FAM168A: variants seen among roughly 807,000 people sequenced by gnomAD.
FAM168A encodes the protein protein FAM168A.
FAM168A carries 3 observed loss-of-function variants against 28.5 expected under a neutral mutation model. The ratio of observed to expected loss-of-function variants is 0.11; its 90% CI spans 0.05 to 0.27. FAM168A has a LOEUF of 0.27. FAM168A is among the 10% of genes least tolerant of loss of function. The probability of loss-of-function intolerance (pLI) is 1.00; values close to 1 mark genes in which losing one functional copy is unlikely to be tolerated. For synonymous variants in FAM168A, 122 were observed against 124.2 expected, an observed-to-expected ratio of 0.98 and a Z score of 0.12; for missense variants, 222 against 311.5, an observed-to-expected ratio of 0.71 and a Z score of 2.16.
At chr11:73,418,210 C>G (rs942746770) in intron 4 of FAM168A, among the ~76,000 whole-genome samples, 2 of 152,154 alleles carry the variant, frequency 1.3e-5, no homozygotes, top group African/African-American at 4.8e-5. Flanking sequence ...AAATGTCATG[C>G]TGAAATGTAA....
chr11:73,403,236 A>G lies in FAM168A; in HGVS notation c.*3527T>C, dbSNP rs992593180. On this transcript the variant is annotated 3_prime_UTR_variant, in exon 8 of 8. Transcript: ENST00000356467. Reference sequence around the variant, plus strand: ...TCCTATCTCATGAGGAAGAAATTAAATATGCATTTTTTTTCAAAACATGGC... The same window carrying G: ...TCCTATCTCATGAGGAAGAAATTAAGTATGCATTTTTTTTCAAAACATGGC... 1.3e-5 allele frequency: 2 copies of G among 152,212 alleles called. No homozygotes were observed. The highest frequency in any genetic ancestry group is 2.9e-5 in the Non-Finnish European group (2 of 68,034). 9.4% of individuals were successfully genotyped at this position (152,212 alleles called of 1,614,324 possible).
chr11:73,524,297 CAT>C (rs1436498945), intron 1 of FAM168A, among the ~76,000 whole-genome samples: 1 of 151,878 alleles, frequency 6.6e-6, no homozygotes, highest in Non-Finnish European at 1.5e-5. Context: ...AATCTAAGCA[CAT>C]GTGTACTTAA....
chr11:73,490,770 GCTTT>G (rs1186972552), intron 1 of FAM168A, among the ~76,000 whole-genome samples: 1 of 151,998 alleles, frequency 6.6e-6, no homozygotes, highest in African/African-American at 2.4e-5. Flanking sequence ...TATCTTCCTT[GCTTT>G]ATTTTTCCTC....
intron 2 of FAM168A, among the ~76,000 whole-genome samples, chr11:73,458,616 T>C (rs1398804746): frequency 6.7e-6 from 1 of 148,772 alleles, no homozygotes; most frequent in Non-Finnish European, 1.5e-5. Context: ...TTTCTTTCTT[T>C]CTTTTTTTTG....
At chr11:73,494,115 T>C (rs528340012) in intron 1 of FAM168A, among the ~76,000 whole-genome samples, 46 of 152,212 alleles carry the variant, frequency 3.0e-4, no homozygotes, top group Non-Finnish European at 5.9e-4. Context: ...AGTATGGACA[T>C]GTACATTATG....
At chr11:73,421,068 T>C (rs1866783069) in intron 3 of FAM168A, among the ~76,000 whole-genome samples, 1 of 119,892 alleles carries the variant, frequency 8.3e-6, no homozygotes, top group Non-Finnish European at 1.6e-5. Flanking sequence ...TCAAATAAAG[T>C]CTTGGGGGGG....
intron 1 of FAM168A, among the ~76,000 whole-genome samples, chr11:73,573,381 C>T (rs1944130847): frequency 6.6e-6 from 1 of 152,178 alleles, no homozygotes; most frequent in Non-Finnish European, 1.5e-5. Flanking sequence ...GAGCCTCCCA[C>T]TTCCTTGTTC....
intron 1 of FAM168A, among the ~76,000 whole-genome samples, chr11:73,479,624 A>T (rs192588666): frequency 1.2e-4 from 19 of 152,318 alleles, no homozygotes; most frequent in Non-Finnish European, 1.9e-4. Flanking sequence ...CAGACTGTGC[A>T]TGGCTACAGG....
In FAM168A at chr11:73,452,812, AATAATAAT is replaced by A. The variant is rs983943272; in HGVS notation, c.70+15585_70+15592del. 4.0e-3 allele frequency among the ~76,000 whole-genome samples: 559 copies of A among 141,290 alleles called. 8 individuals are homozygous for A. Among genetic ancestry groups the A allele is most frequent in the African/African-American group, 0.016 (525 of 32,094 alleles). 92.7% of individuals were successfully genotyped at this position (141,290 alleles called of 152,430 possible). Reference sequence around the variant, plus strand: ...GGTGTGGAATGTTTTGCAAAAAAAAAATAATAATAATAAGTAAAATAATGACATAATTC... The same window carrying A: ...GGTGTGGAATGTTTTGCAAAAAAAAAAATAAGTAAAATAATGACATAATTC... On this transcript the variant is annotated intron_variant, in intron 2 of 7. Coordinates refer to ENST00000356467, the MANE Select transcript of FAM168A (RefSeq NM_015159.3).
intron 4 of FAM168A, among the ~76,000 whole-genome samples, chr11:73,416,216 T>C (rs753666270): frequency 7.8e-4 from 118 of 152,238 alleles, no homozygotes; most frequent in Non-Finnish European, 1.7e-3. Flanking sequence ...ACCATAATTT[T>C]AGAATCAAAT....
chr11:73,494,974 C>A (rs1854839505), intron 1 of FAM168A, among the ~76,000 whole-genome samples: 1 of 150,228 alleles, frequency 6.7e-6, no homozygotes, highest in Admixed American at 6.6e-5. Flanking sequence ...CCAATGAACT[C>A]CAGCCTGGGT....
intron 3 of FAM168A, among the ~76,000 whole-genome samples, chr11:73,421,071 T>TGGG (rs34056123): frequency 7.7e-4 from 90 of 116,314 alleles, no homozygotes; most frequent in African/African-American, 2.6e-3. Context: ...AATAAAGTCT[T>TGGG]GGGGGGGGGG....
intron 2 of FAM168A, among the ~76,000 whole-genome samples, chr11:73,441,289 C>T (rs1327855309): frequency 6.6e-6 from 1 of 152,064 alleles, no homozygotes; most frequent in Non-Finnish European, 1.5e-5. Flanking sequence ...GATCTCCTGA[C>T]CTTGTGATCC....
At chr11:73,594,263 C>T (rs965628031) in intron 1 of FAM168A, among the ~76,000 whole-genome samples, 1 of 150,960 alleles carries the variant, frequency 6.6e-6, no homozygotes, top group Admixed American at 6.6e-5. Flanking sequence ...CCACACCCAG[C>T]AAATTTTTTT....
chr11:73,415,532 C>T (rs1866681491), intron 4 of FAM168A, among the ~76,000 whole-genome samples: 1 of 152,218 alleles, frequency 6.6e-6, no homozygotes. Context: ...TAGACAGTAT[C>T]AGAGAACTTC....
At chr11:73,569,483 G>A (rs1487391314) in intron 1 of FAM168A, among the ~76,000 whole-genome samples, 1 of 152,164 alleles carries the variant, frequency 6.6e-6, no homozygotes, top group East Asian at 1.9e-4. Flanking sequence ...TAGTATAAAT[G>A]AAAGTATCTA....
chr11:73,414,467 A>G (rs1866666131), intron 4 of FAM168A, among the ~76,000 whole-genome samples: 1 of 152,224 alleles, frequency 6.6e-6, no homozygotes, highest in South Asian at 2.1e-4. Flanking sequence ...CCTGAATCAG[A>G]AGGTGCCTGT....
chr11:73,423,592 A>G (rs1363156696), intron 3 of FAM168A, among the ~76,000 whole-genome samples: 1 of 152,172 alleles, frequency 6.6e-6, no homozygotes, highest in South Asian at 2.1e-4. Flanking sequence ...TCTGGCATGT[A>G]TCTCCCCAAA....
At chr11:73,552,872 A>T (rs1021448979) in intron 1 of FAM168A, among the ~76,000 whole-genome samples, 1 of 152,126 alleles carries the variant, frequency 6.6e-6, no homozygotes, top group Non-Finnish European at 1.5e-5. Flanking sequence ...CAGGAGAAAC[A>T]CTACAACCCA....
Sources: allele counts gnomAD v4.1 joint callset (sites outside exome capture counted in the v4.1 genomes callset), GRCh38; gene constraint gnomAD v4.1.1; transcripts MANE v1.5; gene names NCBI Gene and HGNC (gene_info 2026-07-23, HGNC 2026-07-21).